Variants in PCDH9 observed in about 807,000 individuals in gnomAD.
PCDH9 encodes protocadherin 9, also known as protocadherin-9.
A neutral mutation model predicts 70.6 loss-of-function variants in PCDH9; 24 were observed. The ratio of observed to expected loss-of-function variants is 0.34; its 90% CI spans 0.25 to 0.48. PCDH9 has a LOEUF of 0.48. PCDH9 is among the 20% of genes least tolerant of loss of function. PCDH9 has a pLI of 0.99. For synonymous variants in PCDH9, 562 were observed against 558.5 expected, an observed-to-expected ratio of 1.01 and a Z score of -0.09; for missense variants, 1,281 against 1,503.6, an observed-to-expected ratio of 0.85 and a Z score of 2.45.
At chr13:66,700,172 G>GAT (rs2078619198) in intron 3 of PCDH9, among the ~76,000 whole-genome samples, 1 of 151,776 alleles carries the variant, frequency 6.6e-6, no homozygotes, top group African/African-American at 2.4e-5. Context: ...TAATCAAAGT[G>GAT]CTCCTTCATG....
chr13:67,224,388 C>G (rs1342446793), intron 2 of PCDH9: 2 of 152,142 alleles, frequency 1.3e-5, no homozygotes, highest in Admixed American at 6.5e-5. Context: ...CTTGCTACTG[C>G]GGGATTGGCA....
chr13:67,060,585 T>A (rs1163885610), intron 2 of PCDH9, among the ~76,000 whole-genome samples: 1 of 152,126 alleles, frequency 6.6e-6, no homozygotes, highest in Non-Finnish European at 1.5e-5. Context: ...ATTTCCATTC[T>A]CACTGCCAGC....
chr13:66,779,845 C>CTATATATATATATA (rs1395028159), intron 3 of PCDH9, among the ~76,000 whole-genome samples: 38 of 42,578 alleles, frequency 8.9e-4, no homozygotes, highest in African/African-American at 2.5e-3. Flanking sequence ...CTCTCTCTCT[C>CTATATATATATATA]TCTCTATATA....
chr13:66,630,055 T>A (rs2077549500), intron 4 of PCDH9, among the ~76,000 whole-genome samples: 1 of 152,066 alleles, frequency 6.6e-6, no homozygotes, highest in African/African-American at 2.4e-5. Flanking sequence ...GCAAAATAGG[T>A]AGAAAATCAA....
chr13:66,688,758 T>A (rs2078440655), intron 3 of PCDH9, among the ~76,000 whole-genome samples: 1 of 152,154 alleles, frequency 6.6e-6, no homozygotes, highest in South Asian at 2.1e-4. Flanking sequence ...CACCTTACAT[T>A]TATATAGCAC....
intron 2 of PCDH9, among the ~76,000 whole-genome samples, chr13:66,969,483 A>T (rs1020277915): frequency 2.6e-5 from 4 of 152,064 alleles, no homozygotes; most frequent in African/African-American, 7.2e-5. Flanking sequence ...TAATCCTGTC[A>T]GGTGAAAGAA....
intron 4 of PCDH9, among the ~76,000 whole-genome samples, chr13:66,443,156 T>G (rs1958006331): frequency 6.6e-6 from 1 of 152,192 alleles, no homozygotes; most frequent in Admixed American, 6.5e-5. Context: ...AATACTGACT[T>G]GATTTTTATA....
chr13:66,738,765 A>C (rs968080751), intron 3 of PCDH9, among the ~76,000 whole-genome samples: 6 of 152,072 alleles, frequency 3.9e-5, no homozygotes, highest in African/African-American at 1.4e-4. Flanking sequence ...AAATGAATGA[A>C]ATGAAGCGAG....
intron 4 of PCDH9, among the ~76,000 whole-genome samples, chr13:66,449,821 T>C (rs773632363): frequency 5.9e-5 from 9 of 152,202 alleles, no homozygotes; most frequent in Non-Finnish European, 1.2e-4. Context: ...GATTATATTA[T>C]GCATCCGTAC....
chr13:66,540,998 C>A (rs1960929931), intron 4 of PCDH9, among the ~76,000 whole-genome samples: 1 of 152,132 alleles, frequency 6.6e-6, no homozygotes, highest in Admixed American at 6.6e-5. Flanking sequence ...TTAGTGAATT[C>A]TCTTAGGAAA....
intron 2 of PCDH9, among the ~76,000 whole-genome samples, chr13:66,965,302 C>T (rs1439474303): frequency 6.6e-6 from 1 of 152,092 alleles, no homozygotes; most frequent in Non-Finnish European, 1.5e-5. Flanking sequence ...AAAGAGCATA[C>T]TCAAATTAAT....
At chr13:66,969,288 T>C (rs2083479031) in intron 2 of PCDH9, among the ~76,000 whole-genome samples, 1 of 152,018 alleles carries the variant, frequency 6.6e-6, no homozygotes, top group African/African-American at 2.4e-5. Context: ...GAATCCATCA[T>C]TTAAGCCTTT....
intron 2 of PCDH9, among the ~76,000 whole-genome samples, chr13:67,004,050 C>T (rs760554459): frequency 1.3e-5 from 2 of 152,054 alleles, no homozygotes; most frequent in African/African-American, 2.4e-5. Flanking sequence ...AGAAAAATGC[C>T]TGTGAAAAAC....
chr13:67,126,359 T>C (rs2086980326), intron 2 of PCDH9, among the ~76,000 whole-genome samples: 1 of 152,192 alleles, frequency 6.6e-6, no homozygotes, highest in South Asian at 2.1e-4. Flanking sequence ...TTTTTAAAGA[T>C]TGAATTTGTA....
chr13:66,319,225 A>G (rs1955707693), intron 4 of PCDH9, among the ~76,000 whole-genome samples: 1 of 152,014 alleles, frequency 6.6e-6, no homozygotes, highest in African/African-American at 2.4e-5. Flanking sequence ...CTATCATGGC[A>G]ATAGCGTGGG....
chr13:66,711,265 G>A (rs1279930557), intron 3 of PCDH9, among the ~76,000 whole-genome samples: 2 of 151,902 alleles, frequency 1.3e-5, no homozygotes, highest in South Asian at 2.1e-4. Context: ...AATACAAAAC[G>A]CAAGATTTCT....
chr13:66,893,528 A>G (rs377561057), intron 3 of PCDH9, among the ~76,000 whole-genome samples: 17 of 152,318 alleles, frequency 1.1e-4, no homozygotes, highest in Non-Finnish European at 1.8e-4. Flanking sequence ...CCTTTAGTTT[A>G]ATCAATACAA....
chr13:66,686,814 G>C (rs1373911827), intron 3 of PCDH9, among the ~76,000 whole-genome samples: 1 of 151,918 alleles, frequency 6.6e-6, no homozygotes, highest in African/African-American at 2.4e-5. Context: ...CAACATTCTG[G>C]GCAGGGCACA....
chr13:66,553,394 T>A (rs1961584658), intron 4 of PCDH9, among the ~76,000 whole-genome samples: 2 of 152,318 alleles, frequency 1.3e-5, no homozygotes, highest in Middle Eastern at 3.4e-3. Flanking sequence ...TTAAACAGAT[T>A]ATGTAAAATT....
Sources: allele counts gnomAD v4.1 joint callset (sites outside exome capture counted in the v4.1 genomes callset), GRCh38; gene constraint gnomAD v4.1.1; transcripts MANE v1.5; gene names NCBI Gene and HGNC (gene_info 2026-07-23, HGNC 2026-07-21).